ADAM28: variants seen among roughly 807,000 people sequenced by gnomAD.
ADAM28 encodes ADAM metallopeptidase domain 28, also known as disintegrin and metalloproteinase domain-containing protein 28.
ADAM28 carries 105 observed loss-of-function variants against 101.2 expected under a neutral mutation model. The observed-to-expected ratio is 1.04, with a 90% CI of 0.89 to 1.22. The LOEUF is 1.22. ADAM28 is among the 50% of genes most tolerant of loss of function. The pLI, the probability that ADAM28 is intolerant of heterozygous loss-of-function variation, is 0.00. For missense variants in ADAM28, 1,028 were observed against 945.4 expected, an observed-to-expected ratio of 1.09 and a Z score of -1.15; for synonymous variants, 322 against 310.6, an observed-to-expected ratio of 1.04 and a Z score of -0.39.
intron 16 of ADAM28, 59 bp from the exon 17 acceptor site, chr8:24,343,042 C>A (rs1814975498): frequency 6.2e-7 from 1 of 1,610,632 alleles, no homozygotes; most frequent in Non-Finnish European, 8.5e-7. Context: ...ACACAGACCT[C>A]AACTTTCTCA....
chr8:24,311,466 C>T, intron 5 of ADAM28, 29 bp downstream of exon 5: 3 of 1,578,658 alleles, frequency 1.9e-6, no homozygotes, highest in Admixed American at 1.7e-5. Flanking sequence ...TTTGCATGTA[C>T]CTGTGATTGT....
chr8:24,325,744 A>G (rs1812452792), intron 9 of ADAM28, among the ~76,000 whole-genome samples: 1 of 151,616 alleles, frequency 6.6e-6, no homozygotes, highest in Admixed American at 6.6e-5. Flanking sequence ...CTCTATTTTT[A>G]GTATTGTTTT....
chr8:24,305,257 C>T (rs571930012), intron 2 of ADAM28, among the ~76,000 whole-genome samples: 1 of 151,916 alleles, frequency 6.6e-6, no homozygotes, highest in East Asian at 1.9e-4. Flanking sequence ...TATCCCTATC[C>T]TGAAATCGTG....
intron 13 of ADAM28, among the ~76,000 whole-genome samples, chr8:24,334,855 T>C (rs1235246226): frequency 6.6e-6 from 1 of 152,250 alleles, no homozygotes; most frequent in Non-Finnish European, 1.5e-5. Flanking sequence ...AGTAATTGAT[T>C]ACAACTGAGT....
At chr8:24,350,312 C>A (rs1484340514) in intron 19 of ADAM28, among the ~76,000 whole-genome samples, 1 of 151,876 alleles carries the variant, frequency 6.6e-6, no homozygotes, top group Non-Finnish European at 1.5e-5. Context: ...TAAGCACCGC[C>A]CCACCCACTT....
chr8:24,344,282 T>C (rs2129331299), intron 18 of ADAM28, among the ~76,000 whole-genome samples: 1 of 152,264 alleles, frequency 6.6e-6, no homozygotes, highest in East Asian at 1.9e-4. Context: ...ATCACCACAT[T>C]TTCTCCTGAG....
chr8:24,352,320 A>G (rs188837696), intron 21 of ADAM28, among the ~76,000 whole-genome samples: 28 of 152,342 alleles, frequency 1.8e-4, no homozygotes, highest in Admixed American at 1.6e-3. Context: ...TGCTGTAACT[A>G]AATTAACATA....
chr8:24,302,101 G>A lies in ADAM28; in HGVS notation c.150+2024G>A, dbSNP rs553062507. 1.5e-4 allele frequency among the ~76,000 whole-genome samples: 23 copies of A among 152,108 alleles called. No individual in the cohort carries two copies. The South Asian group carries it at 2.1e-3, about 14-fold the overall frequency. ...TCCTGATGTTCTCCCTTGCCCCGCC[G>A]CCTACCACTCCTCAGAGTGTGTTGT... On this transcript the variant is annotated intron_variant, in intron 2 of 22. Transcript: ENST00000265769.
In ADAM28 at chr8:24,326,626, CGTT is replaced by C; in HGVS notation, c.967_969del (p.Val323del). The stretch of plus-strand genomic sequence containing the variant: ...CAATGTGTTCTCCTTATTCTGTTGG[CGTT>C]GTTCAGGTCTGTATGATGATAAACT... On this transcript the variant is annotated inframe_deletion, in exon 10 of 23. Coordinates refer to ENST00000265769, the MANE Select transcript of ADAM28 (RefSeq NM_014265.6). 4 of 1,611,138 alleles carry C rather than the reference CGTT, an allele frequency of 2.5e-6. No homozygotes were observed. Among genetic ancestry groups the C allele is most frequent in the Non-Finnish European group, 3.4e-6 (4 of 1,178,182 alleles).
intron 15 of ADAM28, among the ~76,000 whole-genome samples, chr8:24,339,966 C>T (rs1814565194): frequency 6.6e-6 from 1 of 152,038 alleles, no homozygotes; most frequent in African/African-American, 2.4e-5. Flanking sequence ...TATTTATCTA[C>T]CCAGAGGAAT....
rs761788538 is a variant in ADAM28 at position 24,351,415 on chromosome 8, C to T, written c.2178+105C>T. ...ATCATTTCTACCCAGCAGCGTTTTG[C>T]AGTAACACATTCAGAAATGTCTCCT... On this transcript the variant is annotated intron_variant, in intron 20 of 22. Coordinates refer to ENST00000265769, the MANE Select transcript of ADAM28 (RefSeq NM_014265.6). 98 of 1,203,488 alleles carry T rather than the reference C, an allele frequency of 8.1e-5. 1 individual carries two copies. The highest frequency in any genetic ancestry group is 1.9e-4 in the Middle Eastern group (1 of 5,276). 74.6% of individuals were successfully genotyped at this position (1,203,488 alleles called of 1,614,324 possible).
At chr8:24,311,985 C>T (rs1167379135) in intron 5 of ADAM28, among the ~76,000 whole-genome samples, 2 of 152,020 alleles carry the variant, frequency 1.3e-5, no homozygotes, top group African/African-American at 4.8e-5. Flanking sequence ...GTAGTCTGCC[C>T]GCCTCAGCCT....
intron 13 of ADAM28, among the ~76,000 whole-genome samples, 153 bp downstream of exon 13, chr8:24,332,902 A>G (rs1813542610): frequency 6.6e-6 from 1 of 152,212 alleles, no homozygotes; most frequent in Non-Finnish European, 1.5e-5. Context: ...AGTGTTCTAC[A>G]CACATGGCCT....
chr8:24,315,868 G>A (rs1275254289), intron 6 of ADAM28, among the ~76,000 whole-genome samples: 1 of 151,892 alleles, frequency 6.6e-6, no homozygotes, highest in East Asian at 1.9e-4. Flanking sequence ...ATTGATCAAT[G>A]TAGTATATCA....
chr8:24,323,038 G>A (rs1251507816), intron 8 of ADAM28, among the ~76,000 whole-genome samples: 1 of 151,858 alleles, frequency 6.6e-6, no homozygotes, highest in South Asian at 2.1e-4. Flanking sequence ...AATATGGGTG[G>A]CTCATAAATG....
In ADAM28 at chr8:24,313,378, G is replaced by A; in HGVS notation, c.384-10G>A. The A allele has an allele frequency of 6.3e-7, 1 of 1,599,516 alleles. No individual in the cohort carries two copies. Among genetic ancestry groups the A allele is most frequent in the Admixed American group, 1.7e-5 (1 of 57,510 alleles). On this transcript the variant is annotated splice_polypyrimidine_tract_variant and intron_variant, in intron 5 of 22. Coordinates refer to ENST00000265769, the MANE Select transcript of ADAM28 (RefSeq NM_014265.6). The stretch of plus-strand genomic sequence containing the variant: ...TTTGTTAAGAAGCCAGAACTCTCAT[G>A]TTTTTTCAGGGGCTACTTCAGTCAG...
At chr8:24,303,021 C>A (rs1226454426) in intron 2 of ADAM28, among the ~76,000 whole-genome samples, 2 of 147,662 alleles carry the variant, frequency 1.4e-5, no homozygotes, top group Middle Eastern at 7.4e-3. Context: ...AATTTAAGTT[C>A]CTTGTAGATT....
chr8:24,304,111 A>T (rs1809219019), intron 2 of ADAM28, among the ~76,000 whole-genome samples: 2 of 151,522 alleles, frequency 1.3e-5, no homozygotes, highest in African/African-American at 4.9e-5. Context: ...AACACAAGTG[A>T]AGTGTTTTTA....
rs905878027 is a variant in ADAM28, at chr8:24,310,396, G to A, written c.306+155G>A. 1.6e-5 allele frequency: 11 copies of A among 692,398 alleles called. No individual in the cohort carries two copies. The African/African-American group carries it at 2.0e-4, about 13-fold the overall frequency. 42.9% of individuals were successfully genotyped at this position (692,398 alleles called of 1,614,324 possible). A position where few individuals can be genotyped will look rare whatever the true frequency, so the allele number is the denominator to read the frequency against. ...TACTTAAAATATAAAAAAAAGAAAA[G>A]TGGAAAATCAATTAACAAGAACAAA... On this transcript the variant is annotated intron_variant, in intron 4 of 22. Transcript: ENST00000265769.
Sources: gnomAD v4.1 joint callset for allele counts (sites outside exome capture counted in the v4.1 genomes callset) on GRCh38, gnomAD v4.1.1 for gene constraint, MANE v1.5 for transcripts, NCBI Gene and HGNC (gene_info 2026-07-23, HGNC 2026-07-21) for gene names.